The following LGSN variants were observed in gnomAD, a reference collection of about 807,000 sequenced individuals.
LGSN encodes lengsin, lens protein with glutamine synthetase domain.
Under a neutral mutation model 19.5 loss-of-function variants are expected in LGSN, and 21 were observed. That is an observed-to-expected ratio of 1.07 (90% CI 0.76 to 1.55). LGSN has a LOEUF of 1.55. Among genes scored for constraint, LGSN ranks in the 40% most tolerant of loss-of-function variants. The pLI is 0.00. For synonymous variants in LGSN, 257 were observed against 215.6 expected (o/e 1.19, Z -1.68); for missense variants, 673 against 608.5 (o/e 1.11, Z -1.12).
At chr6:63,495,720 G>A in the LGSN span, among the ~76,000 whole-genome samples, 18 of 151,756 alleles carry the variant, frequency 1.2e-4, no homozygotes, top group Non-Finnish European at 2.4e-4. Context: ...AAAGTGCCGG[G>A]ATTATAGGCG....
the LGSN span, among the ~76,000 whole-genome samples, chr6:63,461,384 C>G: frequency 6.6e-6 from 1 of 152,146 alleles, no homozygotes; most frequent in Non-Finnish European, 1.5e-5. Context: ...CTCTTGTTCT[C>G]CATTTGTACT....
chr6:63,558,499 G>A, the LGSN span, among the ~76,000 whole-genome samples: 4 of 152,176 alleles, frequency 2.6e-5, no homozygotes. Flanking sequence ...GAAGGACAAA[G>A]GTTTCAGTCA....
At chr6:63,505,566 AAAGAAAG>A in the LGSN span, among the ~76,000 whole-genome samples, 5 of 21,918 alleles carry the variant, frequency 2.3e-4, no homozygotes, top group Admixed American at 6.9e-4. Context: ...AAAAAAAAAA[AAAGAAAG>A]AAAGAAAGAA....
intron 3 of LGSN, among the ~76,000 whole-genome samples, chr6:63,283,522 A>G (rs1217196625): frequency 3.3e-5 from 5 of 151,938 alleles, no homozygotes; most frequent in Admixed American, 3.3e-4. Context: ...TGCCCTTTTG[A>G]TTGATAGAAC....
At chr6:63,324,298 C>T (rs1466349955), upstream of LGSN, among the ~76,000 whole-genome samples, 2 of 151,806 alleles carry the variant, frequency 1.3e-5, no homozygotes, top group Non-Finnish European at 2.9e-5. Flanking sequence ...GACTTGAGTT[C>T]TATAGGAAAC....
At chr6:63,496,990 G>A in the LGSN span, among the ~76,000 whole-genome samples, 924 of 152,076 alleles carry the variant, frequency 6.1e-3, 14 homozygotes, top group African/African-American at 0.021. Context: ...ATCCTTGATT[G>A]AAATATGTTT....
At chr6:63,426,083 T>G in the LGSN span, among the ~76,000 whole-genome samples, 2 of 152,082 alleles carry the variant, frequency 1.3e-5, no homozygotes, top group Non-Finnish European at 2.9e-5. Context: ...ACCACAATTC[T>G]CAGAAACTTG....
At chr6:63,508,216 G>T in the LGSN span, among the ~76,000 whole-genome samples, 1 of 152,062 alleles carries the variant, frequency 6.6e-6, no homozygotes, top group Non-Finnish European at 1.5e-5. Flanking sequence ...GTTAGTTTAG[G>T]ACATTAAAGC....
the LGSN span, among the ~76,000 whole-genome samples, chr6:63,509,478 G>A: frequency 6.6e-6 from 1 of 152,042 alleles, no homozygotes; most frequent in East Asian, 1.9e-4. Flanking sequence ...TCAATTAGGT[G>A]TGCGCATGTT....
chr6:63,397,494 T>C, the LGSN span, among the ~76,000 whole-genome samples: 1 of 151,176 alleles, frequency 6.6e-6, no homozygotes, highest in African/African-American at 2.4e-5. Context: ...TGGGATTATA[T>C]GGTCCAAGGA....
At chr6:63,552,619 T>A in the LGSN span, among the ~76,000 whole-genome samples, 1 of 152,248 alleles carries the variant, frequency 6.6e-6, no homozygotes, top group Admixed American at 6.5e-5. Flanking sequence ...CATGCCTATG[T>A]CCTGAATGGT....
At chr6:63,546,591 A>G in the LGSN span, among the ~76,000 whole-genome samples, 2 of 152,214 alleles carry the variant, frequency 1.3e-5, no homozygotes, top group South Asian at 4.1e-4. Flanking sequence ...CTGTAATCCC[A>G]GCTACTTGGG....
intron 2 of LGSN, among the ~76,000 whole-genome samples, chr6:63,290,004 G>C (rs1455486927): frequency 6.6e-6 from 1 of 151,174 alleles, no homozygotes; most frequent in East Asian, 1.9e-4. Flanking sequence ...CAGGTACAAA[G>C]CAGGGAAAAA....
chr6:63,561,784 C>T, the LGSN span, among the ~76,000 whole-genome samples: 1 of 152,156 alleles, frequency 6.6e-6, no homozygotes, highest in Admixed American at 6.6e-5. Context: ...CAAACAAATA[C>T]ACATTGAAAG....
At chr6:63,504,031 A>C in the LGSN span, among the ~76,000 whole-genome samples, 1 of 152,228 alleles carries the variant, frequency 6.6e-6, no homozygotes, top group Non-Finnish European at 1.5e-5. Flanking sequence ...TGTTATTAGG[A>C]AAGAGAAATG....
the LGSN span, among the ~76,000 whole-genome samples, chr6:63,548,535 C>T: frequency 6.6e-6 from 1 of 152,136 alleles, no homozygotes; most frequent in Non-Finnish European, 1.5e-5. Context: ...GTGACCATGT[C>T]CTGTTTTTCC....
chr6:63,455,118 G>A, the LGSN span, among the ~76,000 whole-genome samples: 1 of 152,124 alleles, frequency 6.6e-6, no homozygotes, highest in African/African-American at 2.4e-5. Context: ...CTATAAGGAA[G>A]TTAGCCACAA....
At chr6:63,403,085 GAGAGAGAGAGAGAGAC>G in the LGSN span, among the ~76,000 whole-genome samples, 1 of 132,928 alleles carries the variant, frequency 7.5e-6, no homozygotes, top group Non-Finnish European at 1.7e-5. Flanking sequence ...ATAGATGATA[GAGAGAGAGAGAGAGAC>G]AGAGAGAGAG....
the LGSN span, among the ~76,000 whole-genome samples, chr6:63,462,635 T>C: frequency 1.3e-5 from 2 of 152,186 alleles, 1 homozygote; most frequent in Non-Finnish European, 2.9e-5. Context: ...TGGTTTTTGT[T>C]CTCTAAGCCT....
Sources: gnomAD v4.1 joint callset for allele counts (sites outside exome capture counted in the v4.1 genomes callset) on GRCh38, gnomAD v4.1.1 for gene constraint, MANE v1.5 for transcripts, NCBI Gene and HGNC (gene_info 2026-07-23, HGNC 2026-07-21) for gene names.